SIRPD: variants seen among roughly 807,000 people sequenced by gnomAD.
The protein encoded by SIRPD is signal regulatory protein delta.
Under a neutral mutation model 18.0 loss-of-function variants are expected in SIRPD, and 21 were observed. The ratio of observed to expected loss-of-function variants is 1.17; its 90% CI spans 0.83 to 1.68. The LOEUF (loss-of-function observed/expected upper bound fraction) is 1.68. Ranked by LOEUF, SIRPD falls within the 40% of genes most tolerant of loss-of-function variation. The pLI is 0.00. For synonymous variants in SIRPD, 106 were observed against 92.9 expected, an observed-to-expected ratio of 1.14 and a Z score of -0.81; for missense variants, 295 against 238.4, an observed-to-expected ratio of 1.24 and a Z score of -1.56.
At chr20:1,535,102 G>T (rs2090939640) in intron 3 of SIRPD, among the ~76,000 whole-genome samples, 1 of 152,204 alleles carries the variant, frequency 6.6e-6, no homozygotes, top group Non-Finnish European at 1.5e-5. Context: ...AAATGATAGT[G>T]TTGATGTATA....
intron 1 of SIRPD, among the ~76,000 whole-genome samples, chr20:1,556,174 A>G (rs960981232): frequency 6.6e-6 from 1 of 152,210 alleles, no homozygotes; most frequent in African/African-American, 2.4e-5. Context: ...GCCATATTCT[A>G]TCAGATAGAA....
intron 2 of SIRPD, among the ~76,000 whole-genome samples, chr20:1,545,101 C>T (rs2090988092): frequency 6.6e-6 from 1 of 152,100 alleles, no homozygotes; most frequent in Non-Finnish European, 1.5e-5. Context: ...CTTGGGGTTG[C>T]TCTTCTCGAG....
At chr20:1,548,121 G>A (rs2091002094) in intron 2 of SIRPD, among the ~76,000 whole-genome samples, 1 of 152,140 alleles carries the variant, frequency 6.6e-6, no homozygotes, top group South Asian at 2.1e-4. Flanking sequence ...GAGTAGAAAT[G>A]GTGATAGGAG....
chr20:1,544,188 G>A (rs894107970), intron 2 of SIRPD, among the ~76,000 whole-genome samples: 5 of 152,030 alleles, frequency 3.3e-5, no homozygotes, highest in African/African-American at 1.2e-4. Flanking sequence ...TCTCATTGAT[G>A]TATCAAATAT....
At chr20:1,542,522 C>G (rs1012113932) in intron 2 of SIRPD, among the ~76,000 whole-genome samples, 1 of 152,156 alleles carries the variant, frequency 6.6e-6, no homozygotes, top group Non-Finnish European at 1.5e-5. Flanking sequence ...TGCTTATTAG[C>G]TTAAGGAGTT....
chr20:1,546,056 C>A (rs1455418400), intron 2 of SIRPD, among the ~76,000 whole-genome samples: 2 of 152,340 alleles, frequency 1.3e-5, no homozygotes, highest in Middle Eastern at 3.4e-3. Flanking sequence ...TGTCTGTCGA[C>A]CCCTGCTGGG....
chr20:1,545,139 T>C (rs944400946), intron 2 of SIRPD, among the ~76,000 whole-genome samples: 3 of 152,200 alleles, frequency 2.0e-5, no homozygotes, highest in African/African-American at 7.2e-5. Flanking sequence ...TCTCTGTATT[T>C]CCTGAATTTG....
intron 2 of SIRPD, among the ~76,000 whole-genome samples, chr20:1,541,765 G>A (rs1275338777): frequency 6.6e-6 from 1 of 152,146 alleles, no homozygotes; most frequent in African/African-American, 2.4e-5. Context: ...GGTTGTTATG[G>A]TTTTAGGTCT....
At chr20:1,535,508 AAGAG>A (rs150147309) in intron 3 of SIRPD, among the ~76,000 whole-genome samples, 1 of 151,926 alleles carries the variant, frequency 6.6e-6, no homozygotes, top group Non-Finnish European at 1.5e-5. Flanking sequence ...GTTTTATAAG[AAGAG>A]AGAGAGAGAC....
chr20:1,537,355 G>A, intron 2 of SIRPD, 45 bp from the exon 3 acceptor site: 1 of 1,584,530 alleles, frequency 6.3e-7, no homozygotes, highest in Non-Finnish European at 8.6e-7. Flanking sequence ...ATAAGAGGAA[G>A]TTACTATGAT....
In SIRPD at chr20:1,552,007, C is replaced by G; in HGVS notation, c.105G>C (p.Thr35=). ...GVTHVFHVQQ[T]EMSQTVSTGE... ...CAGTTGATACAGTCTGTGACATCTC[C>G]GTTTGTTGCACATGGAACACATGTG... is the stretch of plus-strand genomic sequence containing the variant. Residue 35 remains threonine, a synonymous_variant, in exon 2 of 4, where the codon ACG becomes ACC. Transcript: ENST00000381623. 1 of 1,613,838 alleles carries G rather than the reference C, an allele frequency of 6.2e-7. No homozygotes were observed. The highest frequency in any genetic ancestry group is 8.5e-7 in the Non-Finnish European group (1 of 1,179,886).
At chr20:1,547,169 T>C (rs1374583328) in intron 2 of SIRPD, among the ~76,000 whole-genome samples, 2 of 152,242 alleles carry the variant, frequency 1.3e-5, no homozygotes, top group African/African-American at 4.8e-5. Flanking sequence ...CAAACCATTT[T>C]GAGTTAATTT....
intron 2 of SIRPD, among the ~76,000 whole-genome samples, chr20:1,542,797 G>T (rs1413619182): frequency 6.6e-6 from 1 of 152,150 alleles, no homozygotes; most frequent in East Asian, 1.9e-4. Context: ...ACTATTTTGA[G>T]CTACATTTCA....
chr20:1,539,738 C>T lies in SIRPD; in HGVS notation c.422-2428G>A, dbSNP rs1289339528. On this transcript the variant is annotated intron_variant, in intron 2 of 3. Transcript: ENST00000381623. Reference sequence around the variant, plus strand: ...CTTGTATCTTCTTCTTCCCCTCTCTCCTGCTTCTTGAGGAGAAGCAGCTGC... The same window carrying T: ...CTTGTATCTTCTTCTTCCCCTCTCTTCTGCTTCTTGAGGAGAAGCAGCTGC... 3.9e-5 allele frequency among the ~76,000 whole-genome samples: 6 copies of T among 152,170 alleles called. No homozygotes were observed. The South Asian group carries it at 1.2e-3, about 31-fold the overall frequency.
chr20:1,538,661 T>C (rs1282795791), intron 2 of SIRPD, among the ~76,000 whole-genome samples: 1 of 152,188 alleles, frequency 6.6e-6, no homozygotes, highest in African/African-American at 2.4e-5. Context: ...CACCATGCTA[T>C]GAGGAAGCCC....
In SIRPD at chr20:1,551,945, G is replaced by T. The variant is rs777244463; in HGVS notation, c.167C>A (p.Thr56Asn). Residue 56 changes from threonine (T) to asparagine (N), a missense_variant, in exon 2 of 4, where the codon ACC (threonine) becomes AAC (asparagine). Physicochemically the swap from Thr to Asn is moderately conservative, Grantham distance 65 (BLOSUM62 0). Coordinates refer to ENST00000381623, the MANE Select transcript of SIRPD (RefSeq NM_178460.3). ...CCACAAGACAGGTCCATTTGGTAAG[G>T]TATTGGGTACGCTGCAACTCAAGAT... ...SIILSCSVPN[T>N]LPNGPVLWFK... 1 of 1,614,076 alleles carries T rather than the reference G, an allele frequency of 6.2e-7. No homozygotes were observed. Among genetic ancestry groups the T allele is most frequent in the South Asian group, 1.1e-5 (1 of 91,072 alleles).
chr20:1,551,815 G>T lies in SIRPD; in HGVS notation c.297C>A (p.Asp99Glu). The change falls in exon 2 of 4, where the codon GAC becomes GAA. Residue 99 changes from aspartate to glutamate, a missense_variant. Coordinates refer to ENST00000381623, the MANE Select transcript of SIRPD (RefSeq NM_178460.3). ...IGDTTKPGNTDFSTRIREISL... is the reference protein window; with the variant it reads ...IGDTTKPGNTEFSTRIREISL... ...AGATTTCACGGATGCGGGTGGAAAA[G>T]TCTGTGTTGCCAGGCTTGGTGGTGT... The T allele has an allele frequency of 6.2e-7, 1 of 1,614,132 alleles. No individual in the cohort carries two copies. The highest frequency in any genetic ancestry group is 8.5e-7 in the Non-Finnish European group (1 of 1,179,986).
At chr20:1,552,733 T>C (rs1011388392) in intron 1 of SIRPD, among the ~76,000 whole-genome samples, 1 of 152,102 alleles carries the variant, frequency 6.6e-6, no homozygotes, top group Non-Finnish European at 1.5e-5. Context: ...CTGGTAATAA[T>C]CTCTCCTATT....
At chr20:1,542,021 A>T (rs2090974315) in intron 2 of SIRPD, among the ~76,000 whole-genome samples, 1 of 152,204 alleles carries the variant, frequency 6.6e-6, no homozygotes, top group African/African-American at 2.4e-5. Context: ...TATCAGTACC[A>T]TGCTGTTTTG....
Sources: gnomAD v4.1 joint callset for allele counts (sites outside exome capture counted in the v4.1 genomes callset) on GRCh38, gnomAD v4.1.1 for gene constraint, MANE v1.5 for transcripts, NCBI Gene and HGNC (gene_info 2026-07-23, HGNC 2026-07-21) for gene names.